Variants in ONECUT3 observed in about 807,000 individuals in gnomAD.
ONECUT3 encodes one cut homeobox 3.
Under a neutral mutation model 16.8 loss-of-function variants are expected in ONECUT3, and 11 were observed. That is an observed-to-expected ratio of 0.66 (90% CI 0.41 to 1.09). The LOEUF is 1.09. Among genes scored for constraint, ONECUT3 ranks in the 50% least tolerant of loss-of-function variants. The probability of loss-of-function intolerance (pLI) is 0.00; values close to 1 mark genes in which losing one functional copy is unlikely to be tolerated. For synonymous variants in ONECUT3, 344 were observed against 310.7 expected, an observed-to-expected ratio of 1.11 and a Z score of -1.13; for missense variants, 637 against 629.9, an observed-to-expected ratio of 1.01 and a Z score of -0.12.
chr19:1,753,923 G>T lies in ONECUT3; in HGVS notation c.261G>T (p.Pro87=). Residue 87 remains proline (P), a synonymous_variant, in exon 1 of 2, where the codon CCG becomes CCT. Transcript: ENST00000382349. ...ACTTCCGCGGGGAACTGGCGGGCCC[G>T]CTGCACCCGGCAATGGGCATGGCCT... ...GADFRGELAG[P]LHPAMGMACE... 1 of 983,856 alleles carries T rather than the reference G, an allele frequency of 1.0e-6. No individual in the cohort carries two copies. The highest frequency in any genetic ancestry group is 1.2e-6 in the Non-Finnish European group (1 of 830,750). The allele number at this position is 983,856 out of a possible 1,614,324, so 60.9% of individuals were successfully genotyped here.
Position 1,762,434 on chromosome 19 carries a change from C to T in ONECUT3, c.1192+7580C>T, listed in dbSNP as rs912399718. On this transcript the variant is annotated intron_variant, in intron 1 of 1. Coordinates refer to ENST00000382349, the MANE Select transcript of ONECUT3 (RefSeq NM_001080488.2). This position sits in a 1 kb window ranked among gnomAD's most constrained non-coding sequence, Gnocchi z 4.4. ...GTCCACGCATTTCCAAGCGCCCTTT[C>T]CCGTCCAAGGACCTGCTGGGGGGAT... 2.0e-5 allele frequency among the ~76,000 whole-genome samples: 3 copies of T among 152,264 alleles called. No homozygotes were observed. The highest frequency in any genetic ancestry group is 7.2e-5 in the African/African-American group (3 of 41,478).
Position 1,758,995 on chromosome 19 carries a change from T to C in ONECUT3, c.1192+4141T>C, listed in dbSNP as rs560247917. On this transcript the variant is annotated intron_variant, in intron 1 of 1. Coordinates refer to ENST00000382349, the MANE Select transcript of ONECUT3 (RefSeq NM_001080488.2). The surrounding 1 kb of genome is among the most constrained non-coding windows in gnomAD (Gnocchi z 5.9). ...TTGAAAGAAGGGCCTCATCTCCTCC[T>C]GTGGGCACCATGGGGAGGCAGGAGC... Among the ~76,000 whole-genome samples, 6 of 152,256 alleles carry C rather than the reference T, an allele frequency of 3.9e-5. No homozygotes were observed. In the East Asian group the frequency reaches 1.2e-3, roughly 29 times the overall value.
chr19:1,757,687 C>T (rs1490848040), intron 1 of ONECUT3, among the ~76,000 whole-genome samples: 5 of 152,228 alleles, frequency 3.3e-5, no homozygotes, highest in African/African-American at 4.8e-5. Flanking sequence ...TAAGAGGTGG[C>T]GGGGGCGAGG....
At chr19:1,763,424 T>C (rs961680742) in intron 1 of ONECUT3, among the ~76,000 whole-genome samples, 5 of 135,894 alleles carry the variant, frequency 3.7e-5, no homozygotes, top group African/African-American at 1.3e-4. Flanking sequence ...TGTACATCTG[T>C]GGCCCCGGCT....
intron 1 of ONECUT3, among the ~76,000 whole-genome samples, chr19:1,760,773 A>T (rs2067942536): frequency 6.6e-6 from 1 of 151,994 alleles, no homozygotes; most frequent in Non-Finnish European, 1.5e-5. Flanking sequence ...GGTCCCAATA[A>T]TTCCTTTCTG....
At chr19:1,768,894 A>AGGT (rs1568599014) in intron 1 of ONECUT3, among the ~76,000 whole-genome samples, 5 of 136,706 alleles carry the variant, frequency 3.7e-5, no homozygotes, top group African/African-American at 1.3e-4. Context: ...GAGGTGGTGG[A>AGGT]GGTGGAGGTG....
At position 1,758,313 on chromosome 19, in the gene ONECUT3, AAAAGAG is replaced by A. The variant is rs747404698; in HGVS notation, c.1192+3461_1192+3466del. On this transcript the variant is annotated intron_variant, in intron 1 of 1. Coordinates refer to ENST00000382349, the MANE Select transcript of ONECUT3 (RefSeq NM_001080488.2). The surrounding 1 kb of genome is among the most constrained non-coding windows in gnomAD (Gnocchi z 5.9). ...AGGCAGAGAGACCAAAAAAAAAAAAAAAAGAGAGAGAGAGAGAGAGAGACAGAGATG... is the reference window on the plus strand; with the variant it reads ...AGGCAGAGAGACCAAAAAAAAAAAAAAGAGAGAGAGAGAGAGACAGAGATG... 8.9e-4 allele frequency among the ~76,000 whole-genome samples: 97 copies of A among 109,068 alleles called. No homozygotes were observed. The highest frequency in any genetic ancestry group is 2.7e-3 in the African/African-American group (77 of 28,924). 71.6% of individuals were successfully genotyped at this position (109,068 alleles called of 152,430 possible).
intron 1 of ONECUT3, among the ~76,000 whole-genome samples, chr19:1,770,314 G>A (rs868786759): frequency 3.3e-5 from 5 of 152,062 alleles, no homozygotes; most frequent in East Asian, 1.9e-4. Context: ...ATGTGCACCC[G>A]TGGTCCCACC....
intron 1 of ONECUT3, among the ~76,000 whole-genome samples, chr19:1,769,365 T>C (rs2068032499): frequency 6.6e-6 from 1 of 151,772 alleles, no homozygotes; most frequent in African/African-American, 2.4e-5. Flanking sequence ...GAGACCTCAT[T>C]GGAGGCTGGT....
At chr19:1,761,425 C>T (rs139279887) in intron 1 of ONECUT3, among the ~76,000 whole-genome samples, 4 of 151,124 alleles carry the variant, frequency 2.6e-5, no homozygotes, top group East Asian at 1.9e-4. Context: ...GTTGGCACCC[C>T]GGGTTGGCAC....
rs1027087993 is a variant in ONECUT3 at position 1,762,163 on chromosome 19, C to T, written c.1192+7309C>T. ...AAGACGCCCCATCTCCCCCTGGACG[C>T]AGTGGCTGCGCCATCTGGAGACCCT... On this transcript the variant is annotated intron_variant, in intron 1 of 1. Transcript: ENST00000382349. The surrounding 1 kb of genome is among the most constrained non-coding windows in gnomAD (Gnocchi z 4.4). Among the ~76,000 whole-genome samples, 3 of 152,372 alleles carry T rather than the reference C, an allele frequency of 2.0e-5. No homozygotes were observed. The highest frequency in any genetic ancestry group is 7.2e-5 in the African/African-American group (3 of 41,598).
intron 1 of ONECUT3, among the ~76,000 whole-genome samples, chr19:1,772,314 G>A (rs923836825): frequency 2.0e-5 from 3 of 151,710 alleles, no homozygotes; most frequent in African/African-American, 4.8e-5. Context: ...TGCCCAGTGG[G>A]CCTATTTATA....
chr19:1,772,686 C>CTTTTTTTTTTTTTTTTTT (rs201848533), intron 1 of ONECUT3, among the ~76,000 whole-genome samples: 1 of 64,010 alleles, frequency 1.6e-5, no homozygotes, highest in African/African-American at 8.0e-5. Context: ...CTGCTTTACT[C>CTTTTTTTTTTTTTTTTTT]TTTTTTTTTT....
rs948604605 is a variant in ONECUT3, at chr19:1,780,534, G to C, written c.*5089G>C. The C allele has an allele frequency of 3.9e-5, 6 of 152,238 alleles. No homozygotes were observed. The highest frequency in any genetic ancestry group is 2.6e-4 in the Admixed American group (4 of 15,282). 9.4% of individuals were successfully genotyped at this position (152,238 alleles called of 1,614,324 possible). A position where few individuals can be genotyped will look rare whatever the true frequency, so the allele number is the denominator to read the frequency against. On this transcript the variant is annotated 3_prime_UTR_variant, in exon 2 of 2. Coordinates refer to ENST00000382349, the MANE Select transcript of ONECUT3 (RefSeq NM_001080488.2). ...TTGGGACAGGCCCCAGTAGGGGGGG[G>C]CGGGGTAGCTAAACGGGGTGCTTCT...
chr19:1,766,010 C>T lies in ONECUT3; in HGVS notation c.1193-9143C>T, dbSNP rs1040615154. 1.2e-4 allele frequency among the ~76,000 whole-genome samples: 18 copies of T among 152,278 alleles called. No homozygotes were observed. The highest frequency in any genetic ancestry group is 4.3e-4 in the African/African-American group (18 of 41,476). ...CCACACAGGGATGTCACACCAAGAT[C>T]CGTTGCCTCATCCACCGCCCGTCCA... On this transcript the variant is annotated intron_variant, in intron 1 of 1. Coordinates refer to ENST00000382349, the MANE Select transcript of ONECUT3 (RefSeq NM_001080488.2). This position sits in a 1 kb window ranked among gnomAD's most constrained non-coding sequence, Gnocchi z 4.0.
In ONECUT3 at chr19:1,775,375, G is replaced by C; in HGVS notation, c.1415G>C (p.Arg472Pro). The C allele has an allele frequency of 6.4e-7, 1 of 1,552,410 alleles. No individual in the cohort carries two copies. The highest frequency in any genetic ancestry group is 8.7e-7 in the Non-Finnish European group (1 of 1,150,460). The change falls in exon 2 of 2, where the codon CGC becomes CCC. Residue 472 changes from arginine (R) to proline (P), a missense_variant. By Grantham distance (103) the Arg-to-Pro change is moderately radical. Transcript: ENST00000382349. ...FMNARRRCMN[R>P]WAEEPSTAPG... Reference sequence around the variant, plus strand: ...AACGCGCGGCGCCGCTGCATGAACCGCTGGGCTGAGGAGCCCAGCACGGCC... The same window carrying C: ...AACGCGCGGCGCCGCTGCATGAACCCCTGGGCTGAGGAGCCCAGCACGGCC...
Position 1,766,884 on chromosome 19 carries a change from C to T in ONECUT3, c.1193-8269C>T, listed in dbSNP as rs928911314. Among the ~76,000 whole-genome samples, 3 of 152,122 alleles carry T rather than the reference C, an allele frequency of 2.0e-5. No individual in the cohort carries two copies. Among genetic ancestry groups the T allele is most frequent in the Non-Finnish European group, 4.4e-5 (3 of 68,026 alleles). ...TAGTCACTGCACACTCACTCAGCCA[C>T]TGCTATACCTCCGCTCTGTGCTGGG... On this transcript the variant is annotated intron_variant, in intron 1 of 1. Transcript: ENST00000382349. This position sits in a 1 kb window ranked among gnomAD's most constrained non-coding sequence, Gnocchi z 4.0.
At position 1,755,184 on chromosome 19, in the gene ONECUT3, TGTGTGTGTGC is replaced by T. The variant is rs1388516401; in HGVS notation, c.1192+340_1192+349del. 1.4e-4 allele frequency among the ~76,000 whole-genome samples: 21 copies of T among 151,858 alleles called. No homozygotes were observed. The highest frequency in any genetic ancestry group is 1.3e-3 in the Admixed American group (20 of 15,264). ...CCAAGCAGCCCTCAGGGAAGCTCAT[TGTGTGTGTGC>T]GTGTGTGTGTGTGAGCGCGCGCCTG... On this transcript the variant is annotated intron_variant, in intron 1 of 1. Transcript: ENST00000382349. This position sits in a 1 kb window ranked among gnomAD's most constrained non-coding sequence, Gnocchi z 7.5.
chr19:1,768,396 G>A (rs952053482), intron 1 of ONECUT3, among the ~76,000 whole-genome samples: 1 of 152,166 alleles, frequency 6.6e-6, no homozygotes, highest in African/African-American at 2.4e-5. Flanking sequence ...GGTGGTGGAT[G>A]GGGAGAGGGA....
Sources: allele counts gnomAD v4.1 joint callset (sites outside exome capture counted in the v4.1 genomes callset), GRCh38; gene constraint gnomAD v4.1.1; non-coding constraint Gnocchi (gnomAD v3.1); transcripts MANE v1.5; gene names NCBI Gene and HGNC (gene_info 2026-07-23, HGNC 2026-07-21).